The following MTMR3 variants were observed in gnomAD, a reference collection of about 807,000 sequenced individuals.
The protein encoded by MTMR3 is phosphatidylinositol-3,5-bisphosphate 3-phosphatase MTMR3.
In MTMR3, 32 loss-of-function variants were observed where a neutral mutation model predicts 132.4. That is an observed-to-expected ratio of 0.24 (90% CI 0.18 to 0.32). The LOEUF (loss-of-function observed/expected upper bound fraction) is 0.32. Among genes scored for constraint, MTMR3 ranks in the 10% least tolerant of loss-of-function variants. The pLI is 1.00. For synonymous variants in MTMR3, 556 were observed against 550.3 expected (o/e 1.01, Z -0.14); for missense variants, 1,216 against 1,489.6 (o/e 0.82, Z 3.02).
chr22:29,993,741 T>A (rs1168323316), intron 7 of MTMR3: 1 of 152,232 alleles, frequency 6.6e-6, no homozygotes, highest in Non-Finnish European at 1.5e-5. Context: ...TCTAGTCTTT[T>A]AATTATGGGT....
intron 2 of MTMR3, among the ~76,000 whole-genome samples, chr22:29,969,200 A>T (rs1473432013): frequency 6.6e-6 from 1 of 152,218 alleles, no homozygotes; most frequent in Non-Finnish European, 1.5e-5. Context: ...TTGTCCGTTG[A>T]GCTGTCTCTG....
intron 7 of MTMR3, chr22:29,996,819 C>A: frequency 6.6e-6 from 1 of 152,282 alleles, no homozygotes; most frequent in South Asian, 2.0e-4. Flanking sequence ...CTCAACTTCC[C>A]TAGGTTCAGG....
chr22:29,975,879 T>A (rs568208714), intron 3 of MTMR3, among the ~76,000 whole-genome samples: 1 of 152,242 alleles, frequency 6.6e-6, no homozygotes, highest in Non-Finnish European at 1.5e-5. Context: ...GTGCTGAGAT[T>A]ACAGGCATGA....
intron 1 of MTMR3, among the ~76,000 whole-genome samples, chr22:29,935,091 G>T (rs1343899964): frequency 2.0e-5 from 3 of 152,178 alleles, no homozygotes; most frequent in South Asian, 2.1e-4. Context: ...CTTTTAAGTT[G>T]TACATTAGTT....
intron 1 of MTMR3, among the ~76,000 whole-genome samples, chr22:29,895,878 A>C (rs2064883795): frequency 6.6e-6 from 1 of 152,186 alleles, no homozygotes; most frequent in African/African-American, 2.4e-5. Context: ...TTGTTGTATA[A>C]AATCCACTTT....
intron 1 of MTMR3, among the ~76,000 whole-genome samples, chr22:29,892,889 C>G (rs1256881937): frequency 6.6e-6 from 1 of 152,180 alleles, no homozygotes; most frequent in Non-Finnish European, 1.5e-5. Flanking sequence ...GATGTATAAG[C>G]TACTTTCACA....
At chr22:29,917,853 G>A (rs1453042460) in intron 1 of MTMR3, among the ~76,000 whole-genome samples, 1 of 152,176 alleles carries the variant, frequency 6.6e-6, no homozygotes, top group African/African-American at 2.4e-5. Flanking sequence ...GACATACTGT[G>A]TCCATGATAT....
At chr22:29,968,922 C>T (rs1391501068) in intron 2 of MTMR3, among the ~76,000 whole-genome samples, 1 of 152,090 alleles carries the variant, frequency 6.6e-6, no homozygotes, top group Non-Finnish European at 1.5e-5. Context: ...CCATAAGGTT[C>T]TTCCTCATCC....
chr22:29,988,739 G>T (rs1318556899), intron 6 of MTMR3, 177 bp downstream of exon 6: 2 of 358,574 alleles, frequency 5.6e-6, no homozygotes, highest in African/African-American at 2.1e-5. Context: ...TTGCTATGTT[G>T]AAAGATGTTT....
intron 1 of MTMR3, among the ~76,000 whole-genome samples, chr22:29,933,397 C>G (rs2065684436): frequency 6.6e-6 from 1 of 151,658 alleles, no homozygotes; most frequent in Non-Finnish European, 1.5e-5. Flanking sequence ...GCTTTTATAT[C>G]CAAGTTCTTG....
intron 1 of MTMR3, among the ~76,000 whole-genome samples, chr22:29,899,934 G>A (rs994896328): frequency 2.0e-5 from 3 of 151,940 alleles, no homozygotes; most frequent in Admixed American, 2.0e-4. Context: ...CTTTTGCCTC[G>A]CAAAATTTTA....
intron 7 of MTMR3, 120 bp downstream of exon 7, chr22:29,991,790 G>A (rs576671705): frequency 9.3e-7 from 1 of 1,079,244 alleles, no homozygotes; most frequent in Non-Finnish European, 1.3e-6. Flanking sequence ...ATTTTAAGGA[G>A]CACCCAGCAA....
At chr22:29,973,039 G>A (rs981416029) in intron 3 of MTMR3, among the ~76,000 whole-genome samples, 5 of 152,204 alleles carry the variant, frequency 3.3e-5, no homozygotes, top group East Asian at 1.9e-4. Flanking sequence ...ATAACATTCT[G>A]CAAGTTGTTG....
At chr22:29,932,374 A>G (rs1298714244) in intron 1 of MTMR3, among the ~76,000 whole-genome samples, 1 of 152,006 alleles carries the variant, frequency 6.6e-6, no homozygotes, top group Non-Finnish European at 1.5e-5. Context: ...GAGTGCTTTC[A>G]TTTTTGTTTT....
chr22:29,995,709 T>C (rs1446015486), intron 7 of MTMR3: 2 of 152,222 alleles, frequency 1.3e-5, no homozygotes, highest in Non-Finnish European at 2.9e-5. Context: ...TCACAATGTA[T>C]TTAATGTTGA....
intron 7 of MTMR3, chr22:29,996,523 C>A (rs916248321): frequency 6.6e-6 from 1 of 151,984 alleles, no homozygotes; most frequent in Non-Finnish European, 1.5e-5. Context: ...TGTAAAAGAT[C>A]ATTAATGTAC....
intron 3 of MTMR3, among the ~76,000 whole-genome samples, chr22:29,973,193 T>A (rs1250871829): frequency 6.6e-6 from 1 of 152,220 alleles, no homozygotes; most frequent in African/African-American, 2.4e-5. Flanking sequence ...AGAGTGACAT[T>A]TTTCCCTTGT....
intron 13 of MTMR3, 122 bp from the exon 14 acceptor site, chr22:30,013,234 C>G: frequency 1.0e-6 from 1 of 959,098 alleles, no homozygotes; most frequent in African/African-American, 1.6e-5. Context: ...CACCAAAGGG[C>G]AAGGCCGGGT....
intron 1 of MTMR3, among the ~76,000 whole-genome samples, chr22:29,912,544 A>G (rs532502392): frequency 1.9e-3 from 293 of 152,336 alleles, no homozygotes; most frequent in Middle Eastern, 6.8e-3. Flanking sequence ...CCAAAGTGCT[A>G]GGAGGATTGC....
Sources: allele counts gnomAD v4.1 joint callset (sites outside exome capture counted in the v4.1 genomes callset), GRCh38; gene constraint gnomAD v4.1.1; transcripts MANE v1.5; gene names NCBI Gene and HGNC (gene_info 2026-07-23, HGNC 2026-07-21).